MYOT: variants seen among roughly 807,000 people sequenced by gnomAD.
MYOT encodes myotilin, also known as 57 kDa cytoskeletal protein.
Under a neutral mutation model 58.0 loss-of-function variants are expected in MYOT, and 36 were observed. The ratio of observed to expected loss-of-function variants is 0.62; its 90% confidence interval spans 0.48 to 0.82. The LOEUF is 0.82. Ranked by LOEUF, MYOT falls within the 40% of genes least tolerant of loss-of-function variation. The pLI, the probability that MYOT is intolerant of heterozygous loss-of-function variation, is 0.00. For synonymous variants in MYOT, 218 were observed against 204.6 expected (o/e 1.07, Z -0.56); for missense variants, 505 against 592.1 (o/e 0.85, Z 1.53).
rs1350085506 is a variant in MYOT, at chr5:137,887,228, C to T, written c.1340C>T (p.Thr447Ile). The T allele has an allele frequency of 1.2e-6, 2 of 1,614,044 alleles. No individual in the cohort carries two copies. The highest frequency in any genetic ancestry group is 3.3e-5 in the Admixed American group (2 of 60,024). ...TCTATTTCAGCACGTCCAAACCAAACTCTTCCAGCTCCTAAGCAGTTACGG... is the reference window on the plus strand; with the variant it reads ...TCTATTTCAGCACGTCCAAACCAAATTCTTCCAGCTCCTAAGCAGTTACGG... ...RLDVTARPNQ[T>I]LPAPKQLRVR... The change falls in exon 10 of 10, where the codon ACT becomes ATT. Residue 447 changes from threonine to isoleucine, a missense_variant. By Grantham distance (89) the Thr-to-Ile change is moderately conservative. Transcript: ENST00000239926.
At chr5:137,885,955 T>G in intron 7 of MYOT, 93 bp from the exon 8 acceptor site, 1 of 831,824 alleles carries the variant, frequency 1.2e-6, no homozygotes, top group South Asian at 1.8e-5. Flanking sequence ...TTTAACATTT[T>G]AATATCAACA....
Position 137,870,288 on chromosome 5 carries a change from GACACACACAC to G in MYOT, c.-211-123_-211-114del, listed in dbSNP as rs35301804. ...TATGTTCGCCTGGGCGATTAAGCAA[GACACACACAC>G]ACACACACACACACACACACACACA... On this transcript the variant is annotated intron_variant, in intron 1 of 9. Transcript: ENST00000239926. 5.0e-4 allele frequency among the ~76,000 whole-genome samples: 63 copies of G among 127,084 alleles called. 1 individual carries two copies. Among genetic ancestry groups the G allele is most frequent in the Middle Eastern group, 3.7e-3 (1 of 268 alleles). 83.4% of individuals were successfully genotyped at this position (127,084 alleles called of 152,430 possible).
chr5:137,880,164 T>G (rs1755380040), intron 4 of MYOT, among the ~76,000 whole-genome samples: 2 of 152,232 alleles, frequency 1.3e-5, no homozygotes, highest in African/African-American at 4.8e-5. Flanking sequence ...TCTTATAATT[T>G]TCATAAATCC....
rs745792335 is a variant in MYOT, at chr5:137,880,838, G to A, written c.656G>A (p.Arg219Gln). 27 of 1,612,342 alleles carry A rather than the reference G, an allele frequency of 1.7e-5. No individual in the cohort carries two copies. In the Admixed American group the frequency reaches 2.2e-4, roughly 13 times the overall value. Residue 219 changes from arginine (R) to glutamine (Q), a missense_variant, in exon 5 of 10, where the codon CGA (arginine) becomes CAA (glutamine). Arg to Gln is a conservative substitution (Grantham distance 43). Coordinates refer to ENST00000239926, the MANE Select transcript of MYOT (RefSeq NM_006790.3). ...DSQQHNSEHA[R>Q]LQVPTSQVRS... The stretch of plus-strand genomic sequence containing the variant: ...AAGCAACACAACTCAGAACATGCGC[G>A]ACTGCAAGTTCCTACATCACAAGTA...
In MYOT at chr5:137,887,245, C is replaced by G. The variant is rs530892350; in HGVS notation, c.1357C>G (p.Gln453Glu). ...AAACCAAACTCTTCCAGCTCCTAAGCAGTTACGGGTTCGACCAACATTCAG... is the reference window on the plus strand; with the variant it reads ...AAACCAAACTCTTCCAGCTCCTAAGGAGTTACGGGTTCGACCAACATTCAG... The part of the protein sequence containing the change: ...RPNQTLPAPK[Q>E]LRVRPTFSKY... The change falls in exon 10 of 10, where the codon CAG (glutamine) becomes GAG (glutamate). Residue 453 changes from glutamine to glutamate, a missense_variant. Gln to Glu is a conservative substitution (Grantham distance 29). Transcript: ENST00000239926. The G allele has an allele frequency of 1.2e-6, 2 of 1,614,028 alleles. No homozygotes were observed. Among genetic ancestry groups the G allele is most frequent in the Middle Eastern group, 1.6e-4 (1 of 6,062 alleles).
intron 6 of MYOT, 118 bp from the exon 7 acceptor site, chr5:137,883,266 G>C: frequency 1.2e-6 from 1 of 806,294 alleles, no homozygotes; most frequent in Non-Finnish European, 2.2e-6. Flanking sequence ...CTCTTGCTTT[G>C]CATTTCAATC....
chr5:137,887,304 T>TG lies in MYOT; in HGVS notation c.1417dup (p.Val473GlyfsTer6). The TG allele has an allele frequency of 6.2e-7, 1 of 1,614,076 alleles. No individual in the cohort carries two copies. Among genetic ancestry groups the TG allele is most frequent in the Non-Finnish European group, 8.5e-7 (1 of 1,179,978 alleles). On this transcript the variant is annotated frameshift_variant, in exon 10 of 10. Transcript: ENST00000239926. LOFTEE classifies it high-confidence loss of function. ...TAGCACTTAATGGGAAAGGTTTGAA[T>TG]GTAAAACAAGCTTTTAACCCAGAAG...
chr5:137,871,055 G>T (rs759802950), intron 2 of MYOT, 48 bp downstream of exon 2: 24 of 1,522,368 alleles, frequency 1.6e-5, no homozygotes, highest in Admixed American at 7.3e-5. Flanking sequence ...TATATCTGAG[G>T]AGTTTGCGAG....
intron 2 of MYOT, among the ~76,000 whole-genome samples, chr5:137,871,413 T>C (rs978712786): frequency 2.0e-5 from 3 of 152,254 alleles, no homozygotes; most frequent in Admixed American, 6.5e-5. Flanking sequence ...CTTCTTCAGA[T>C]AGGATTTCCT....
chr5:137,882,157 G>C (rs1325001729), intron 6 of MYOT, 52 bp downstream of exon 6: 7 of 1,597,576 alleles, frequency 4.4e-6, no homozygotes, highest in Non-Finnish European at 6.0e-6. Context: ...GGGATACTAA[G>C]TTTTGAAAAA....
Position 137,887,522 on chromosome 5 carries a change from ATTAT to A in MYOT, c.*142_*145del. The stretch of plus-strand genomic sequence containing the variant: ...AATATAGTTAATATATATTTATAAT[ATTAT>A]TTATCCTTTGACTCTTGCACATTCT... On this transcript the variant is annotated 3_prime_UTR_variant, in exon 10 of 10. Coordinates refer to ENST00000239926, the MANE Select transcript of MYOT (RefSeq NM_006790.3). The A allele has an allele frequency of 1.6e-6, 1 of 609,028 alleles. No homozygotes were observed. The highest frequency in any genetic ancestry group is 2.4e-6 in the Non-Finnish European group (1 of 411,874). The allele number at this position is 609,028 out of a possible 1,614,324, so 37.7% of individuals were successfully genotyped here.
At chr5:137,878,562 C>T (rs570544099) in intron 4 of MYOT, among the ~76,000 whole-genome samples, 2 of 152,042 alleles carry the variant, frequency 1.3e-5, no homozygotes, top group African/African-American at 2.4e-5. Flanking sequence ...CAGTGGCTCA[C>T]GCCTGTAATC....
rs137952692 is a variant in MYOT at position 137,877,544 on chromosome 5, G to A, written c.556G>A (p.Ala186Thr). The change falls in exon 4 of 10, where the codon GCT becomes ACT. Residue 186 changes from alanine to threonine, a missense_variant. Ala to Thr is a moderately conservative substitution (Grantham distance 58). Coordinates refer to ENST00000239926, the MANE Select transcript of MYOT (RefSeq NM_006790.3). ...GCGTCTAACATATGAAGAGAAGATG[G>A]CTCGCAGATTGCTAGGACCACAGAA... ...NQRLTYEEKMARRLLGPQNAA... is the reference protein window; with the variant it reads ...NQRLTYEEKMTRRLLGPQNAA... The A allele has an allele frequency of 8.1e-6, 13 of 1,613,380 alleles. No individual in the cohort carries two copies. In the African/African-American group the frequency reaches 1.5e-4, roughly 18 times the overall value.
rs768553780 is a variant in MYOT, at chr5:137,882,007, C to T, written c.718C>T (p.Gln240Ter). 6.2e-7 allele frequency: 1 copy of T among 1,613,978 alleles called. No individual in the cohort carries two copies. Among genetic ancestry groups the T allele is most frequent in the South Asian group, 1.1e-5 (1 of 91,078 alleles). ...AACCTCAAGGGGAGATGTGAATGAT[C>T]AGGATGCAATCCAGGAGAAATTTTA... is the stretch of plus-strand genomic sequence containing the variant. ...RSTSRGDVNDQDAIQEKFYPP... is the reference protein window; with the variant it reads ...RSTSRGDVND Residue 240 changes from glutamine to a stop codon, truncating the protein, a stop_gained, in exon 6 of 10, where the codon CAG becomes TAG. Transcript: ENST00000239926. LOFTEE classifies it high-confidence loss of function.
At chr5:137,868,976 G>A (rs955273309) in intron 1 of MYOT, among the ~76,000 whole-genome samples, 13 of 144,928 alleles carry the variant, frequency 9.0e-5, no homozygotes, top group South Asian at 2.1e-4. Context: ...TCTCAATAGC[G>A]TCTTTCTCTT....
intron 4 of MYOT, 107 bp from the exon 5 acceptor site, chr5:137,880,709 C>A: frequency 2.1e-6 from 2 of 955,980 alleles, no homozygotes; most frequent in Non-Finnish European, 3.4e-6. Context: ...CAGGGCTGTT[C>A]AAATACAGCC....
chr5:137,882,256 T>A, intron 6 of MYOT, 151 bp downstream of exon 6: 1 of 896,706 alleles, frequency 1.1e-6, no homozygotes, highest in Non-Finnish European at 1.8e-6. Flanking sequence ...GGGTTTGAAT[T>A]CTGGCTCTGC....
intron 3 of MYOT, 31 bp downstream of exon 3, chr5:137,876,034 C>T: frequency 6.2e-7 from 1 of 1,606,244 alleles, no homozygotes; most frequent in African/African-American, 1.3e-5. Context: ...GTACAAAAGG[C>T]CAATTAAACT....
At chr5:137,878,502 T>C (rs1036978694) in intron 4 of MYOT, among the ~76,000 whole-genome samples, 11 of 152,122 alleles carry the variant, frequency 7.2e-5, no homozygotes, top group Admixed American at 5.2e-4. Flanking sequence ...AACTTGATTT[T>C]AACAAGTAAA....
Sources: gnomAD v4.1 joint callset for allele counts (sites outside exome capture counted in the v4.1 genomes callset) on GRCh38, gnomAD v4.1.1 for gene constraint, MANE v1.5 for transcripts, NCBI Gene and HGNC (gene_info 2026-07-23, HGNC 2026-07-21) for gene names.